The following FSTL5 variants were observed in gnomAD, a reference collection of about 807,000 sequenced individuals.
The protein encoded by FSTL5 is follistatin-related protein 5.
Under a neutral mutation model 89.1 loss-of-function variants are expected in FSTL5, and 62 were observed. The observed-to-expected ratio is 0.70, with a 90% CI of 0.57 to 0.86. The LOEUF is 0.86. Ranked by LOEUF, FSTL5 falls within the 40% of genes least tolerant of loss-of-function variation. FSTL5 has a pLI of 0.00. For missense variants in FSTL5, 1,057 were observed against 1,001.6 expected, an observed-to-expected ratio of 1.06 and a Z score of -0.75; for synonymous variants, 383 against 346.2, an observed-to-expected ratio of 1.11 and a Z score of -1.18.
intron 4 of FSTL5, among the ~76,000 whole-genome samples, chr4:161,818,636 T>C (rs1357193754): frequency 6.6e-6 from 1 of 152,176 alleles, no homozygotes; most frequent in Non-Finnish European, 1.5e-5. Context: ...ACACCCCCAT[T>C]GCACGCACTG....
chr4:161,900,689 AAGAATGGC>A (rs1733335897), intron 4 of FSTL5, among the ~76,000 whole-genome samples: 1 of 151,188 alleles, frequency 6.6e-6, no homozygotes, highest in South Asian at 2.1e-4. Context: ...AGAAAAAAAA[AAGAATGGC>A]AGACCTAAAG....
At chr4:161,565,404 AATAC>A (rs754501945) in intron 8 of FSTL5, among the ~76,000 whole-genome samples, 12 of 151,972 alleles carry the variant, frequency 7.9e-5, no homozygotes, top group Non-Finnish European at 1.6e-4. Context: ...TATTGAAATA[AATAC>A]ATATATATGT....
chr4:161,396,407 C>T (rs909617752), intron 15 of FSTL5, among the ~76,000 whole-genome samples: 4 of 150,854 alleles, frequency 2.7e-5, no homozygotes, highest in South Asian at 2.1e-4. Context: ...TTTGGAAAGC[C>T]GAGGAACTCA....
intron 1 of FSTL5, among the ~76,000 whole-genome samples, chr4:162,155,872 A>G (rs898148500): frequency 3.3e-5 from 5 of 152,230 alleles, no homozygotes; most frequent in African/African-American, 4.8e-5. Context: ...TGCAGGGTGT[A>G]GAACCAATTA....
intron 4 of FSTL5, among the ~76,000 whole-genome samples, chr4:161,835,066 C>G (rs1437258114): frequency 6.8e-6 from 1 of 146,452 alleles, no homozygotes; most frequent in Non-Finnish European, 1.5e-5. Flanking sequence ...TATAAGGCTA[C>G]AGTAACCAAA....
chr4:161,630,478 T>C (rs1284152817), intron 7 of FSTL5, among the ~76,000 whole-genome samples: 3 of 152,208 alleles, frequency 2.0e-5, no homozygotes, highest in Admixed American at 6.5e-5. Flanking sequence ...GCAATAACTT[T>C]CTCATCATAA....
chr4:161,618,333 T>G (rs1308704051), intron 7 of FSTL5, among the ~76,000 whole-genome samples: 3 of 135,206 alleles, frequency 2.2e-5, no homozygotes, highest in African/African-American at 8.6e-5. Flanking sequence ...CCTGCCTAAT[T>G]GCCCTGGCCA....
At chr4:161,465,301 C>T (rs924340429) in intron 13 of FSTL5, among the ~76,000 whole-genome samples, 14 of 151,992 alleles carry the variant, frequency 9.2e-5, no homozygotes, top group Non-Finnish European at 1.6e-4. Context: ...TTGGTGTGCA[C>T]ATTTTTTGTT....
chr4:161,897,560 A>C (rs1270177000), intron 4 of FSTL5, among the ~76,000 whole-genome samples: 3 of 138,198 alleles, frequency 2.2e-5, no homozygotes, highest in Non-Finnish European at 4.6e-5. Flanking sequence ...GGGCAGCAAG[A>C]GCGAAACTCC....
At chr4:161,520,722 G>T (rs143631038) in intron 10 of FSTL5, among the ~76,000 whole-genome samples, 1 of 152,228 alleles carries the variant, frequency 6.6e-6, no homozygotes, top group African/African-American at 2.4e-5. Flanking sequence ...AGAGCACCCA[G>T]AAATCTGAGT....
chr4:161,874,581 T>TTTTA (rs3047063), intron 4 of FSTL5, among the ~76,000 whole-genome samples: 1 of 150,126 alleles, frequency 6.7e-6, no homozygotes, highest in Admixed American at 6.6e-5. Flanking sequence ...TTTTTTTTTT[T>TTTTA]ACTTTCTTAC....
chr4:161,848,887 T>C (rs1356400252), intron 4 of FSTL5, among the ~76,000 whole-genome samples: 1 of 152,182 alleles, frequency 6.6e-6, no homozygotes, highest in Non-Finnish European at 1.5e-5. Context: ...GTATAGGCAC[T>C]CTGCGTTCAT....
intron 3 of FSTL5, among the ~76,000 whole-genome samples, chr4:161,969,347 A>C (rs1478804189): frequency 6.6e-6 from 1 of 152,074 alleles, no homozygotes; most frequent in Non-Finnish European, 1.5e-5. Flanking sequence ...GGTTTATCTG[A>C]TTTTCAACAT....
At chr4:161,565,889 G>A (rs188357169) in intron 8 of FSTL5, among the ~76,000 whole-genome samples, 9 of 151,020 alleles carry the variant, frequency 6.0e-5, no homozygotes, top group Admixed American at 2.7e-4. Flanking sequence ...GTGTGCAGAT[G>A]TCTTTTTTAT....
At chr4:162,042,481 A>G (rs928161736) in intron 2 of FSTL5, among the ~76,000 whole-genome samples, 5 of 152,158 alleles carry the variant, frequency 3.3e-5, no homozygotes, top group African/African-American at 1.2e-4. Context: ...GAAGCTGTGT[A>G]ACAGACTGGG....
intron 3 of FSTL5, among the ~76,000 whole-genome samples, chr4:162,021,849 T>C (rs1215383507): frequency 3.3e-5 from 5 of 152,144 alleles, no homozygotes; most frequent in Non-Finnish European, 5.9e-5. Flanking sequence ...TCCCAGCACT[T>C]TGGGAGGCCG....
At chr4:161,574,641 C>T (rs1280313482) in intron 8 of FSTL5, among the ~76,000 whole-genome samples, 1 of 152,124 alleles carries the variant, frequency 6.6e-6, no homozygotes, top group African/African-American at 2.4e-5. Context: ...TGTTAGTTTG[C>T]TGAGAATGGT....
At chr4:161,810,107 G>C (rs1730091836) in intron 4 of FSTL5, among the ~76,000 whole-genome samples, 1 of 152,042 alleles carries the variant, frequency 6.6e-6, no homozygotes, top group Admixed American at 6.6e-5. Flanking sequence ...ATATGAACCT[G>C]TAGTTGTGAT....
intron 15 of FSTL5, among the ~76,000 whole-genome samples, chr4:161,449,444 G>T (rs1370641736): frequency 1.3e-5 from 2 of 152,246 alleles, no homozygotes; most frequent in African/African-American, 2.4e-5. Context: ...GTTTGGGTTG[G>T]GGGGGATAGT....
Sources: allele counts gnomAD v4.1 joint callset (sites outside exome capture counted in the v4.1 genomes callset), GRCh38; gene constraint gnomAD v4.1.1; transcripts MANE v1.5; gene names NCBI Gene and HGNC (gene_info 2026-07-23, HGNC 2026-07-21).